SETD4: variants seen among roughly 807,000 people sequenced by gnomAD.
SETD4 encodes SET domain-containing protein 4.
SETD4 carries 46 observed loss-of-function variants against 58.3 expected under a neutral mutation model. That is an observed-to-expected ratio of 0.79 (90% CI 0.62 to 1.01). The LOEUF (loss-of-function observed/expected upper bound fraction) is 1.01. SETD4 is among the 50% of genes least tolerant of loss of function. The pLI is 0.00. For missense variants in SETD4, 490 were observed against 523.3 expected, an observed-to-expected ratio of 0.94 and a Z score of 0.62; for synonymous variants, 190 against 202.6, an observed-to-expected ratio of 0.94 and a Z score of 0.53.
chr21:36,036,128 C>A lies in SETD4; in HGVS notation c.1312G>T (p.Ala438Ser). Residue 438 changes from alanine (A) to serine (S), a missense_variant, in exon 11 of 12, where the codon GCT becomes TCT. Physicochemically the swap from Ala to Ser is moderately conservative, Grantham distance 99. Transcript: ENST00000332131. ...GCGCTTCGGTGAAATCAGGTAAAAGCTGTTTGCAAACTGTGCAGGGTCTCG... is the reference window on the plus strand; with the variant it reads ...GCGCTTCGGTGAAATCAGGTAAAAGATGTTTGCAAACTGTGCAGGGTCTCG... Reference protein sequence around the residue: ...SAETLHSLQTAFT With the variant: ...SAETLHSLQTSFT 6.2e-7 allele frequency: 1 copy of A among 1,614,190 alleles called. No individual in the cohort carries two copies. The highest frequency in any genetic ancestry group is 8.5e-7 in the Non-Finnish European group (1 of 1,180,040).
intron 3 of SETD4, among the ~76,000 whole-genome samples, chr21:36,054,079 C>G (rs185676070): frequency 6.6e-6 from 1 of 152,318 alleles, no homozygotes; most frequent in Admixed American, 6.5e-5. Context: ...ATAAACCCCA[C>G]TCAAGTCCCC....
chr21:36,039,583 C>A (rs1220976704), intron 9 of SETD4, among the ~76,000 whole-genome samples: 1 of 152,164 alleles, frequency 6.6e-6, no homozygotes, highest in Non-Finnish European at 1.5e-5. Flanking sequence ...CAAGACACTG[C>A]AGGAATGGGC....
intron 4 of SETD4, 56 bp from the exon 5 acceptor site, chr21:36,048,452 G>A (rs2064463794): frequency 6.7e-7 from 1 of 1,496,458 alleles, no homozygotes. Context: ...GGACCCATGA[G>A]TATGAGTCTT....
intron 4 of SETD4, chr21:36,050,249 TTTGATAGA>T (rs1170390193): frequency 6.7e-7 from 1 of 1,497,312 alleles, no homozygotes; most frequent in Admixed American, 1.7e-5. Context: ...AGTTGTGGTT[TTTGATAGA>T]TTGTCCCATC....
intron 9 of SETD4, among the ~76,000 whole-genome samples, chr21:36,039,845 C>T (rs2063960160): frequency 6.6e-6 from 1 of 152,250 alleles, no homozygotes; most frequent in Non-Finnish European, 1.5e-5. Context: ...AAAAGAAGAA[C>T]AGGCGTCACT....
chr21:36,058,681 G>T, intron 2 of SETD4, 135 bp downstream of exon 2: 1 of 987,280 alleles, frequency 1.0e-6, no homozygotes, highest in Non-Finnish European at 1.5e-6. Flanking sequence ...TGACACCACT[G>T]CACTCCAGCC....
intron 3 of SETD4, among the ~76,000 whole-genome samples, chr21:36,053,974 C>T (rs529543448): frequency 6.6e-6 from 1 of 152,212 alleles, no homozygotes; most frequent in African/African-American, 2.4e-5. Context: ...CCCAGCCAAC[C>T]TCTGAGGCTA....
chr21:36,057,245 A>T, intron 2 of SETD4, 41 bp from the exon 3 acceptor site: 1 of 1,381,598 alleles, frequency 7.2e-7, no homozygotes, highest in East Asian at 2.3e-5. Context: ...TAAAACCACT[A>T]TATAATCGGA....
rs750472232 is a variant in SETD4, at chr21:36,053,640, AAG to A, written c.170-22_170-21del. The A allele has an allele frequency of 9.9e-6, 16 of 1,613,354 alleles. No individual in the cohort carries two copies. In the African/African-American group the frequency reaches 1.3e-4, roughly 13 times the overall value. On this transcript the variant is annotated intron_variant, in intron 3 of 11. Transcript: ENST00000332131. ...CTGTACCTAGGAAAGCAAAGACAGA[AAG>A]AGAGTAAATCCTACCATAACTTCAA...
chr21:36,042,130 C>T (rs1473578564), intron 7 of SETD4: 1 of 278,054 alleles, frequency 3.6e-6, no homozygotes, highest in Non-Finnish European at 6.6e-6. Flanking sequence ...TCAGCTCCTG[C>T]TCCCACTAAG....
chr21:36,045,264 C>A (rs2064255335), intron 6 of SETD4, among the ~76,000 whole-genome samples: 1 of 152,146 alleles, frequency 6.6e-6, no homozygotes, highest in East Asian at 1.9e-4. Flanking sequence ...AGCTTCAGTC[C>A]CGGAAGGAGG....
chr21:36,057,290 T>G (rs996241065), intron 2 of SETD4, 86 bp from the exon 3 acceptor site: 8 of 994,838 alleles, frequency 8.0e-6, no homozygotes, highest in Non-Finnish European at 1.1e-5. Flanking sequence ...TGATGAAATG[T>G]GTCAGACAGA....
rs765363597 is a variant in SETD4 at position 36,036,129 on chromosome 21, T to C, written c.1311A>G (p.Thr437=). 13 of 1,614,210 alleles carry C rather than the reference T, an allele frequency of 8.1e-6. No homozygotes were observed. The highest frequency in any genetic ancestry group is 1.6e-4 in the Middle Eastern group (1 of 6,062). The change falls in exon 11 of 12, where the codon ACA becomes ACG. Residue 437 remains threonine, a synonymous_variant. Coordinates refer to ENST00000332131, the MANE Select transcript of SETD4 (RefSeq NM_017438.5). ...ASAETLHSLQ[T]AFT is the part of the protein sequence containing the mutation. Reference sequence around the variant, plus strand: ...CGCTTCGGTGAAATCAGGTAAAAGCTGTTTGCAAACTGTGCAGGGTCTCGG... The same window carrying C: ...CGCTTCGGTGAAATCAGGTAAAAGCCGTTTGCAAACTGTGCAGGGTCTCGG...
rs191650078 is a variant in SETD4, at chr21:36,040,410, C to T, written c.1064+165G>A. Among the ~76,000 whole-genome samples the T allele has an allele frequency of 5.3e-5, 8 of 152,348 alleles. No homozygotes were observed. The East Asian group carries it at 1.3e-3, about 26-fold the overall frequency. ...GGTTAAAACTTAGAAATGAAACATT[C>T]GCTACATGGGCAAGTTACATAATGA... is the stretch of plus-strand genomic sequence containing the variant. On this transcript the variant is annotated intron_variant, in intron 9 of 11. Coordinates refer to ENST00000332131, the MANE Select transcript of SETD4 (RefSeq NM_017438.5).
At position 36,045,861 on chromosome 21, in the gene SETD4, G is replaced by T. The variant is rs145303498; in HGVS notation, c.447C>A (p.Asn149Lys). 6.2e-7 allele frequency: 1 copy of T among 1,614,168 alleles called. No individual in the cohort carries two copies. Residue 149 changes from asparagine (N) to lysine (K), a missense_variant, in exon 6 of 12, where the codon AAC becomes AAA. Asn to Lys is a moderately conservative substitution (Grantham distance 94). Transcript: ENST00000332131. ...TTGCTTTTAAAGATTTGGGAAGAAGGTTCACCACTTCCGGCTCCAAACAAA... is the reference window on the plus strand; with the variant it reads ...TTGCTTTTAAAGATTTGGGAAGAAGTTTCACCACTTCCGGCTCCAAACAAA... ...CPVCLEPEVV[N>K]LLPKSLKAKA...
At chr21:36,060,133 C>A in intron 1 of SETD4, 1 of 985,560 alleles carries the variant, frequency 1.0e-6, no homozygotes, top group African/African-American at 1.7e-5. Flanking sequence ...CTCAGCTTTA[C>A]GCAGCGCGCC....
chr21:36,053,787 C>T lies in SETD4; in HGVS notation c.170-167G>A, dbSNP rs117779149. Among the ~76,000 whole-genome samples the T allele has an allele frequency of 6.8e-3, 1,041 of 152,274 alleles. 2 individuals are homozygous for T. The highest frequency in any genetic ancestry group is 9.2e-3 in the Non-Finnish European group (628 of 68,018). Reference sequence around the variant, plus strand: ...GAAACAGGGAGTCAGAAAGCTATTCCAGAAAATGTCTTGACCTCCAGTGAG... The same window carrying T: ...GAAACAGGGAGTCAGAAAGCTATTCTAGAAAATGTCTTGACCTCCAGTGAG... On this transcript the variant is annotated intron_variant, in intron 3 of 11. Coordinates refer to ENST00000332131, the MANE Select transcript of SETD4 (RefSeq NM_017438.5).
At chr21:36,045,429 C>T (rs773750382) in intron 6 of SETD4, among the ~76,000 whole-genome samples, 153 bp downstream of exon 6, 1 of 152,214 alleles carries the variant, frequency 6.6e-6, no homozygotes, top group Non-Finnish European at 1.5e-5. Context: ...AGAAGAACAA[C>T]AGGAGCCTCC....
At chr21:36,057,362 T>C (rs775592782) in intron 2 of SETD4, 158 bp from the exon 3 acceptor site, 25 of 738,622 alleles carry the variant, frequency 3.4e-5, no homozygotes, top group Non-Finnish European at 4.4e-5. Flanking sequence ...AAACACAGTA[T>C]TGGCCAGGCG....
Sources: gnomAD v4.1 joint callset for allele counts (sites outside exome capture counted in the v4.1 genomes callset) on GRCh38, gnomAD v4.1.1 for gene constraint, MANE v1.5 for transcripts, NCBI Gene and HGNC (gene_info 2026-07-23, HGNC 2026-07-21) for gene names.